FANCC: variants seen among roughly 807,000 people sequenced by gnomAD.
FANCC encodes the protein FA complementation group C, also known as Fanconi anemia group C protein.
Under a neutral mutation model 71.3 loss-of-function variants are expected in FANCC, and 55 were observed. The ratio of observed to expected loss-of-function variants is 0.77; its 90% CI spans 0.62 to 0.97. The LOEUF (loss-of-function observed/expected upper bound fraction) is 0.97. FANCC is among the 50% of genes least tolerant of loss of function. The pLI is 0.00. For missense variants in FANCC, 678 were observed against 670.9 expected (o/e 1.01, Z -0.12); for synonymous variants, 275 against 244.9 (o/e 1.12, Z -1.15).
At chr9:95,172,201 T>C in intron 4 of FANCC, 54 bp from the exon 5 acceptor site, 1 of 1,159,208 alleles carries the variant, frequency 8.6e-7, no homozygotes, top group Non-Finnish European at 1.3e-6. Flanking sequence ...TGCAAGTGCC[T>C]TTTATGTACA....
At chr9:95,143,406 C>T (rs889100679) in intron 7 of FANCC, among the ~76,000 whole-genome samples, 6 of 152,140 alleles carry the variant, frequency 3.9e-5, no homozygotes, top group African/African-American at 1.4e-4. Flanking sequence ...TGGTTGGTTC[C>T]TTTGGCTACC....
Position 95,099,305 on chromosome 9 carries a change from C to G in FANCC, c.*2402G>C, listed in dbSNP as rs1354689137. 8.9e-6 allele frequency: 2 copies of G among 224,520 alleles called. No individual in the cohort carries two copies. The highest frequency in any genetic ancestry group is 1.8e-5 in the Non-Finnish European group (2 of 112,830). 13.9% of individuals were successfully genotyped at this position (224,520 alleles called of 1,614,324 possible). On this transcript the variant is annotated 3_prime_UTR_variant, in exon 15 of 15. Coordinates refer to ENST00000289081, the MANE Select transcript of FANCC (RefSeq NM_000136.3). ...GCTAGAGTAAGGTCAGATTCCAGAC[C>G]CTGTCGCACCTCTGAAGACCTTGGT...
chr9:95,217,169 C>T (rs1271977841), intron 4 of FANCC, among the ~76,000 whole-genome samples: 1 of 152,040 alleles, frequency 6.6e-6, no homozygotes, highest in African/African-American at 2.4e-5. Flanking sequence ...TGTGGAAAAG[C>T]CTCAAATATT....
rs544490783 is a variant in FANCC at position 95,138,628 on chromosome 9, G to C, written c.687-3126C>G. ...CACGAATCTGTATGTCACTGGAAAG[G>C]CGTTTCACTGCAGTGAGAGGTCTTC... On this transcript the variant is annotated intron_variant, in intron 7 of 14. Transcript: ENST00000289081. Among the ~76,000 whole-genome samples the C allele has an allele frequency of 2.2e-4, 33 of 152,324 alleles. No individual in the cohort carries two copies. In the East Asian group the frequency reaches 6.0e-3, roughly 28 times the overall value.
intron 4 of FANCC, among the ~76,000 whole-genome samples, chr9:95,209,602 G>C (rs996966494): frequency 5.3e-5 from 8 of 152,206 alleles, no homozygotes; most frequent in Non-Finnish European, 1.0e-4. Flanking sequence ...AATAAAATAT[G>C]TCTATCTGTT....
At chr9:95,301,035 T>G (rs1039398521) in intron 1 of FANCC, among the ~76,000 whole-genome samples, 1 of 152,104 alleles carries the variant, frequency 6.6e-6, no homozygotes, top group Admixed American at 6.6e-5. Context: ...CTGCAATTAT[T>G]TGGTGGTGAG....
intron 4 of FANCC, among the ~76,000 whole-genome samples, chr9:95,206,044 G>A (rs1828102408): frequency 6.6e-6 from 1 of 152,160 alleles, no homozygotes; most frequent in African/African-American, 2.4e-5. Context: ...GGCTTCAGGA[G>A]TATTAAGAAA....
chr9:95,112,741 T>C (rs569618816), intron 12 of FANCC, among the ~76,000 whole-genome samples: 7 of 152,278 alleles, frequency 4.6e-5, no homozygotes, highest in Non-Finnish European at 8.8e-5. Context: ...GTCTGGTCCT[T>C]CCCTCTGTCT....
intron 6 of FANCC, among the ~76,000 whole-genome samples, chr9:95,165,392 G>A (rs1437711022): frequency 6.6e-6 from 1 of 151,404 alleles, no homozygotes; most frequent in African/African-American, 2.4e-5. Flanking sequence ...TCAAAAGCAT[G>A]TACACTTTCT....
chr9:95,138,012 G>A (rs1827977064), intron 7 of FANCC, among the ~76,000 whole-genome samples: 2 of 152,262 alleles, frequency 1.3e-5, no homozygotes, highest in South Asian at 2.1e-4. Flanking sequence ...GTGTGCTCCT[G>A]AAAGGCTGCC....
intron 10 of FANCC, among the ~76,000 whole-genome samples, chr9:95,124,531 C>T (rs1005332580): frequency 3.3e-5 from 5 of 152,178 alleles, no homozygotes; most frequent in African/African-American, 7.2e-5. Context: ...CTAACACACA[C>T]CTCCCGCTCA....
At chr9:95,284,156 A>G (rs993319048) in intron 1 of FANCC, among the ~76,000 whole-genome samples, 4 of 152,216 alleles carry the variant, frequency 2.6e-5, no homozygotes, top group African/African-American at 9.7e-5. Context: ...TGGCAAGCCT[A>G]AACACCTGTC....
intron 6 of FANCC, among the ~76,000 whole-genome samples, chr9:95,160,961 A>G (rs916439025): frequency 4.6e-5 from 7 of 152,226 alleles, no homozygotes; most frequent in African/African-American, 1.7e-4. Flanking sequence ...ATATACAATC[A>G]TGTCAATGAT....
At chr9:95,293,323 G>T in intron 1 of FANCC, 1 of 1,610,776 alleles carries the variant, frequency 6.2e-7, no homozygotes, top group South Asian at 1.1e-5. Flanking sequence ...AGCCTGTGGT[G>T]TTAGGTGTTG....
At chr9:95,170,312 T>C (rs953975596) in intron 6 of FANCC, among the ~76,000 whole-genome samples, 1 of 151,284 alleles carries the variant, frequency 6.6e-6, no homozygotes, top group African/African-American at 2.4e-5. Context: ...AATAATTATA[T>C]AGTTTAAGGG....
chr9:95,131,325 G>A (rs2135086582), intron 8 of FANCC, among the ~76,000 whole-genome samples: 1 of 152,310 alleles, frequency 6.6e-6, no homozygotes, highest in South Asian at 2.1e-4. Context: ...GCCCAAGCTG[G>A]AAGAAAGCTC....
chr9:95,155,185 C>A (rs1249209841), intron 6 of FANCC, among the ~76,000 whole-genome samples: 4 of 136,446 alleles, frequency 2.9e-5, no homozygotes, highest in African/African-American at 5.5e-5. Context: ...CTGGCCTGGG[C>A]AACAAAGTGA....
chr9:95,254,300 T>G (rs138029806), intron 1 of FANCC, among the ~76,000 whole-genome samples: 1 of 152,246 alleles, frequency 6.6e-6, no homozygotes, highest in Non-Finnish European at 1.5e-5. Context: ...GATGGCCGAA[T>G]AGGAACAGCT....
At chr9:95,223,363 C>G (rs1007640609) in intron 4 of FANCC, among the ~76,000 whole-genome samples, 35 of 152,188 alleles carry the variant, frequency 2.3e-4, no homozygotes, top group African/African-American at 8.0e-4. Flanking sequence ...TGAGCTCTTT[C>G]TTCATCTCCA....
Sources: allele counts gnomAD v4.1 joint callset (sites outside exome capture counted in the v4.1 genomes callset), GRCh38; gene constraint gnomAD v4.1.1; transcripts MANE v1.5; gene names NCBI Gene and HGNC (gene_info 2026-07-23, HGNC 2026-07-21).